Variants in GALNT16 observed in about 807,000 individuals in gnomAD.
GALNT16 encodes UDP-GalNAc:polypeptide N-acetylgalactosaminyltransferase-like protein 1.
GALNT16 carries 40 observed loss-of-function variants against 76.1 expected under a neutral mutation model. That is an observed-to-expected ratio of 0.53 (90% CI 0.41 to 0.68). GALNT16 has a LOEUF of 0.68. Among genes scored for constraint, GALNT16 ranks in the 30% least tolerant of loss-of-function variants. GALNT16 has a pLI of 0.00. For missense variants in GALNT16, 621 were observed against 731.9 expected (o/e 0.85, Z 1.75); for synonymous variants, 276 against 285.2 (o/e 0.97, Z 0.32).
intron 1 of GALNT16, among the ~76,000 whole-genome samples, chr14:69,273,511 T>A (rs1173551916): frequency 6.6e-6 from 1 of 152,212 alleles, no homozygotes; most frequent in Non-Finnish European, 1.5e-5. Flanking sequence ...CCCTAGGACA[T>A]GCACCTTGTA....
chr14:69,260,770 C>G (rs2044256308), intron 1 of GALNT16, among the ~76,000 whole-genome samples: 1 of 151,956 alleles, frequency 6.6e-6, no homozygotes, highest in South Asian at 2.1e-4. Context: ...TCTGCGCTGC[C>G]GGGGCCGGGA....
At chr14:69,325,477 G>A (rs571645204) in intron 4 of GALNT16, 73 bp downstream of exon 4, 1 of 904,688 alleles carries the variant, frequency 1.1e-6, no homozygotes, top group African/African-American at 1.6e-5. Flanking sequence ...ACCAAGGCAA[G>A]CACCCTGAGG....
rs267604039 is a variant in GALNT16, at chr14:69,352,047, G to T, written c.1556G>T (p.Gly519Val). ...TCCTCCTAGAAATGGAGGAGAAAAG[G>T]ATCTTTCATCCAGCATTCAGTCAGT... ...REGKQKWRRK[G>V]SFIQHSVSGL... Residue 519 changes from glycine to valine, a missense_variant, in exon 15 of 15, where the codon GGA (glycine) becomes GTA (valine). Coordinates refer to ENST00000448469, the MANE Select transcript of GALNT16 (RefSeq NM_001168368.2). 6.2e-7 allele frequency: 1 copy of T among 1,612,920 alleles called. No individual in the cohort carries two copies. Among genetic ancestry groups the T allele is most frequent in the Admixed American group, 1.7e-5 (1 of 59,770 alleles).
chr14:69,289,492 G>C (rs1407659143), intron 1 of GALNT16, among the ~76,000 whole-genome samples: 3 of 152,168 alleles, frequency 2.0e-5, no homozygotes, highest in African/African-American at 7.2e-5. Flanking sequence ...CCTAAGGCTT[G>C]AGAGCGGCTT....
chr14:69,323,362 G>T (rs2045231494), intron 2 of GALNT16, among the ~76,000 whole-genome samples: 1 of 152,222 alleles, frequency 6.6e-6, no homozygotes, highest in African/African-American at 2.4e-5. Flanking sequence ...CATGCCGAAA[G>T]GGCTGGAGGG....
At chr14:69,324,645 T>G in intron 2 of GALNT16, 47 bp from the exon 3 acceptor site, 1 of 1,071,320 alleles carries the variant, frequency 9.3e-7, no homozygotes, top group Non-Finnish European at 1.4e-6. Flanking sequence ...TGACCTGCCC[T>G]GAGGATGCCC....
chr14:69,337,044 T>C (rs1355418550), intron 9 of GALNT16, among the ~76,000 whole-genome samples: 1 of 152,248 alleles, frequency 6.6e-6, no homozygotes, highest in Non-Finnish European at 1.5e-5. Flanking sequence ...TACATTTTTA[T>C]GCATTTTCTT....
chr14:69,265,360 C>T (rs1271592796), intron 1 of GALNT16, among the ~76,000 whole-genome samples: 1 of 152,174 alleles, frequency 6.6e-6, no homozygotes, highest in East Asian at 1.9e-4. Context: ...AGCAATTTAC[C>T]CCCGAGCTGC....
intron 9 of GALNT16, among the ~76,000 whole-genome samples, chr14:69,334,141 T>C (rs1174105045): frequency 6.6e-6 from 1 of 152,250 alleles, no homozygotes; most frequent in Admixed American, 6.5e-5. Flanking sequence ...CAGGTCACAG[T>C]GCTGGTGGCC....
At position 69,326,016 on chromosome 14, in the gene GALNT16, A is replaced by G. The variant is rs767781488; in HGVS notation, c.557A>G (p.Asp186Gly). 3 of 1,613,712 alleles carry G rather than the reference A, an allele frequency of 1.9e-6. No individual in the cohort carries two copies. Among genetic ancestry groups the G allele is most frequent in the Non-Finnish European group, 1.7e-6 (2 of 1,179,770 alleles). The change falls in exon 5 of 15, where the codon GAT (aspartate) becomes GGT (glycine). Residue 186 changes from aspartate to glycine, a missense_variant. By Grantham distance (94) the Asp-to-Gly change is moderately conservative. Coordinates refer to ENST00000448469, the MANE Select transcript of GALNT16 (RefSeq NM_001168368.2). ...RIPKVKCLRNDRREGLIRSRV... is the reference protein window; with the variant it reads ...RIPKVKCLRNGRREGLIRSRV... Reference sequence around the variant, plus strand: ...CCCAAGGTCAAGTGCCTGCGCAATGATCGGCGGGAAGGTGAGTCCTTGCAC... The same window carrying G: ...CCCAAGGTCAAGTGCCTGCGCAATGGTCGGCGGGAAGGTGAGTCCTTGCAC...
At chr14:69,283,287 C>T (rs898591138) in intron 1 of GALNT16, among the ~76,000 whole-genome samples, 9 of 152,220 alleles carry the variant, frequency 5.9e-5, no homozygotes, top group Non-Finnish European at 1.3e-4. Context: ...TCAGGGAGTG[C>T]ACCTAGTTTA....
intron 6 of GALNT16, 124 bp downstream of exon 6, chr14:69,328,695 T>G (rs2045316815): frequency 2.1e-6 from 2 of 931,612 alleles, no homozygotes; most frequent in South Asian, 1.7e-5. Flanking sequence ...AATAGTCTAC[T>G]TCCCCCTGAG....
At chr14:69,325,875 A>T in intron 4 of GALNT16, 87 bp from the exon 5 acceptor site, 1 of 1,005,958 alleles carries the variant, frequency 9.9e-7, no homozygotes, top group Non-Finnish European at 1.6e-6. Context: ...TCCTGGGCTT[A>T]GTATGGGGCA....
At position 69,338,648 on chromosome 14, in the gene GALNT16, C is replaced by T. The variant is rs750113776; in HGVS notation, c.968-3C>T. The T allele has an allele frequency of 6.2e-7, 1 of 1,613,284 alleles. No homozygotes were observed. The highest frequency in any genetic ancestry group is 8.5e-7 in the Non-Finnish European group (1 of 1,179,444). ...TCCTCCTGACGGCTACTATTTCCTG[C>T]AGAGCTCTCCTTCAGGGTGTGGATG... On this transcript the variant is annotated splice_polypyrimidine_tract_variant and splice_region_variant and intron_variant, in intron 9 of 14. Coordinates refer to ENST00000448469, the MANE Select transcript of GALNT16 (RefSeq NM_001168368.2).
At chr14:69,279,904 C>T (rs1303605118) in intron 1 of GALNT16, among the ~76,000 whole-genome samples, 1 of 152,248 alleles carries the variant, frequency 6.6e-6, no homozygotes, top group East Asian at 1.9e-4. Context: ...GGTACTTATT[C>T]TGTTCCCAAG....
intron 1 of GALNT16, among the ~76,000 whole-genome samples, chr14:69,316,350 G>C (rs2045100406): frequency 6.6e-6 from 1 of 152,164 alleles, no homozygotes; most frequent in African/African-American, 2.4e-5. Flanking sequence ...GTTTTTCTCT[G>C]GGCTTTGGGA....
At chr14:69,304,965 A>G (rs1027609601) in intron 1 of GALNT16, among the ~76,000 whole-genome samples, 2 of 152,064 alleles carry the variant, frequency 1.3e-5, no homozygotes, top group Non-Finnish European at 2.9e-5. Context: ...CTTGATTTCA[A>G]TTCTTTTGGA....
At chr14:69,325,605 T>C (rs1324502240) in intron 4 of GALNT16, among the ~76,000 whole-genome samples, 1 of 152,164 alleles carries the variant, frequency 6.6e-6, no homozygotes, top group Admixed American at 6.5e-5. Context: ...GGGTGTTGCT[T>C]TGGATGGGAC....
rs771737869 is a variant in GALNT16, at chr14:69,333,449, C to T, written c.864-48C>T. 3.1e-5 allele frequency: 37 copies of T among 1,190,032 alleles called. No individual in the cohort carries two copies. Among genetic ancestry groups the T allele is most frequent in the Middle Eastern group, 2.1e-4 (1 of 4,792 alleles). 73.7% of individuals were successfully genotyped at this position (1,190,032 alleles called of 1,614,324 possible). ...GTCCTGGGGCCATCTAAAGGGCCTC[C>T]TTGCTTCTCCAGCTCACGTGTTGCG... On this transcript the variant is annotated intron_variant, in intron 8 of 14. Transcript: ENST00000448469. The surrounding 1 kb of genome is among the most constrained non-coding windows in gnomAD (Gnocchi z 4.2).
Sources: gnomAD v4.1 joint callset for allele counts (sites outside exome capture counted in the v4.1 genomes callset) on GRCh38, gnomAD v4.1.1 for gene constraint, Gnocchi (gnomAD v3.1) non-coding constraint, MANE v1.5 for transcripts, NCBI Gene and HGNC (gene_info 2026-07-23, HGNC 2026-07-21) for gene names.